The following AMBRA1 variants were observed in gnomAD, a reference collection of about 807,000 sequenced individuals.
The protein encoded by AMBRA1 is activating molecule in BECN1-regulated autophagy protein 1.
A neutral mutation model predicts 125.4 loss-of-function variants in AMBRA1; 47 were observed. The observed-to-expected ratio is 0.37, with a 90% CI of 0.30 to 0.48. The LOEUF (loss-of-function observed/expected upper bound fraction) is 0.48, where lower values mean the gene tolerates loss of function less well. AMBRA1 is among the 20% of genes least tolerant of loss of function. AMBRA1 has a pLI of 0.99. For synonymous variants in AMBRA1, 626 were observed against 655.5 expected, an observed-to-expected ratio of 0.95 and a Z score of 0.69; for missense variants, 1,331 against 1,693.4, an observed-to-expected ratio of 0.79 and a Z score of 3.76.
chr11:46,505,880 T>C (rs1384919224), intron 9 of AMBRA1, among the ~76,000 whole-genome samples: 1 of 152,160 alleles, frequency 6.6e-6, no homozygotes. Context: ...CTTGAAGGCA[T>C]GAGCCCCACA....
At position 46,547,848 on chromosome 11, in the gene AMBRA1, A is replaced by G. The variant is rs2042872917; in HGVS notation, c.163T>C (p.Ser55Pro). The G allele has an allele frequency of 6.2e-7, 1 of 1,609,676 alleles. No homozygotes were observed. Among genetic ancestry groups the G allele is most frequent in the Non-Finnish European group, 8.5e-7 (1 of 1,178,130 alleles). The stretch of plus-strand genomic sequence containing the variant: ...GGGCTGAAGGCCAATAAGAAGGTAG[A>G]GCGTGGACTATCCGGCAGTTCTACT... ...KRVELPDSPR[S>P]TFLLAFSPDR... Residue 55 changes from serine to proline, a missense_variant, in exon 3 of 18, where the codon TCT becomes CCT. Coordinates refer to ENST00000683756, the MANE Select transcript of AMBRA1 (RefSeq NM_001387011.1).
chr11:46,494,500 G>C (rs2134980307), intron 9 of AMBRA1: 1 of 284,394 alleles, frequency 3.5e-6, no homozygotes, highest in South Asian at 7.9e-5. Context: ...TTAGGATTTG[G>C]AATGGATATA....
intron 11 of AMBRA1, among the ~76,000 whole-genome samples, chr11:46,472,826 T>C (rs1949656146): frequency 6.6e-6 from 1 of 152,154 alleles, no homozygotes; most frequent in South Asian, 2.1e-4. Flanking sequence ...GCAGAGCTGT[T>C]CTCCCTGCCC....
chr11:46,449,500 C>T (rs1948469725), intron 11 of AMBRA1, among the ~76,000 whole-genome samples: 1 of 152,236 alleles, frequency 6.6e-6, no homozygotes, highest in South Asian at 2.1e-4. Flanking sequence ...AGGAAAGCTA[C>T]AAAACTGATG....
At chr11:46,567,650 C>T (rs1363936683) in intron 1 of AMBRA1, among the ~76,000 whole-genome samples, 1 of 152,080 alleles carries the variant, frequency 6.6e-6, no homozygotes, top group Admixed American at 6.5e-5. Flanking sequence ...CGTGAGCCAC[C>T]GTGCCCAGCC....
intron 11 of AMBRA1, among the ~76,000 whole-genome samples, chr11:46,482,354 T>C (rs925033057): frequency 6.6e-6 from 1 of 152,214 alleles, no homozygotes; most frequent in Admixed American, 6.5e-5. Flanking sequence ...ACTGCGGATA[T>C]TTCCATGTCA....
chr11:46,495,835 A>ATT (rs942368633), intron 9 of AMBRA1, among the ~76,000 whole-genome samples: 2 of 152,238 alleles, frequency 1.3e-5, no homozygotes, highest in Non-Finnish European at 2.9e-5. Context: ...ATTATCGTAT[A>ATT]TTTCACTTAT....
chr11:46,481,388 T>A (rs1950062509), intron 11 of AMBRA1, among the ~76,000 whole-genome samples: 1 of 152,076 alleles, frequency 6.6e-6, no homozygotes, highest in South Asian at 2.1e-4. Context: ...GAACACACTA[T>A]TTTTGTTTTT....
intron 1 of AMBRA1, among the ~76,000 whole-genome samples, chr11:46,578,417 G>A (rs1343077354): frequency 1.3e-5 from 2 of 151,732 alleles, no homozygotes; most frequent in Non-Finnish European, 2.9e-5. Flanking sequence ...AACCTGGGAG[G>A]CAGAAGTTGC....
At chr11:46,479,835 C>T (rs563296049) in intron 11 of AMBRA1, among the ~76,000 whole-genome samples, 45 of 152,238 alleles carry the variant, frequency 3.0e-4, no homozygotes, top group South Asian at 2.5e-3. Flanking sequence ...TATCAGTTTT[C>T]TATAACTGCC....
intron 9 of AMBRA1, among the ~76,000 whole-genome samples, chr11:46,503,852 T>C (rs1164659632): frequency 2.6e-5 from 4 of 152,190 alleles, no homozygotes; most frequent in African/African-American, 2.4e-5. Flanking sequence ...GAGACTTCTG[T>C]GCCAGCAACA....
intron 11 of AMBRA1, among the ~76,000 whole-genome samples, chr11:46,444,353 A>T (rs1463683338): frequency 6.6e-6 from 1 of 152,164 alleles, no homozygotes; most frequent in Non-Finnish European, 1.5e-5. Flanking sequence ...CTTCTGTATG[A>T]CATTTTTTTC....
At chr11:46,451,781 TA>T in intron 11 of AMBRA1, 1 of 151,794 alleles carries the variant, frequency 6.6e-6, no homozygotes, top group Non-Finnish European at 1.5e-5. Context: ...ACACAATTAC[TA>T]TCTTTCTGCT....
chr11:46,484,139 G>A (rs576600789), intron 11 of AMBRA1, among the ~76,000 whole-genome samples: 1 of 152,298 alleles, frequency 6.6e-6, no homozygotes, highest in East Asian at 1.9e-4. Context: ...AGGGGCCCAA[G>A]GTAGGGGATA....
intron 11 of AMBRA1, among the ~76,000 whole-genome samples, chr11:46,463,347 T>C (rs145749616): frequency 3.4e-4 from 52 of 152,360 alleles, no homozygotes; most frequent in Non-Finnish European, 5.3e-4. Context: ...GTGCCTCTGA[T>C]AGCAAGAACA....
chr11:46,580,080 T>C (rs927773925), intron 1 of AMBRA1, among the ~76,000 whole-genome samples: 12 of 152,208 alleles, frequency 7.9e-5, no homozygotes, highest in Non-Finnish European at 1.6e-4. Context: ...TTAAACCCAA[T>C]TCAATTTAGC....
intron 7 of AMBRA1, among the ~76,000 whole-genome samples, chr11:46,541,741 A>ATTAGC (rs1952753973): frequency 6.6e-6 from 1 of 152,250 alleles, no homozygotes; most frequent in Non-Finnish European, 1.5e-5. Context: ...AAATAGAGCT[A>ATTAGC]GCGCAGCCAA....
At chr11:46,513,389 T>C (rs1951350390) in intron 7 of AMBRA1, among the ~76,000 whole-genome samples, 1 of 151,894 alleles carries the variant, frequency 6.6e-6, no homozygotes, top group Non-Finnish European at 1.5e-5. Context: ...TTTACTTATA[T>C]AATCTAGCCC....
At chr11:46,413,700 A>G (rs1387699836) in intron 15 of AMBRA1, among the ~76,000 whole-genome samples, 2 of 152,172 alleles carry the variant, frequency 1.3e-5, no homozygotes, top group Non-Finnish European at 2.9e-5. Context: ...CATGTTGGCC[A>G]GGCTGGTCTC....
Sources: gnomAD v4.1 joint callset for allele counts (sites outside exome capture counted in the v4.1 genomes callset) on GRCh38, gnomAD v4.1.1 for gene constraint, MANE v1.5 for transcripts, NCBI Gene and HGNC (gene_info 2026-07-23, HGNC 2026-07-21) for gene names.